Variants in DNAH9 observed in about 807,000 individuals in gnomAD.
DNAH9 encodes dynein axonemal heavy chain 9, also known as DNAH9 variant protein.
In DNAH9, 345 loss-of-function variants were observed where a neutral mutation model predicts 471.6. That is an observed-to-expected ratio of 0.73 (90% CI 0.67 to 0.80). DNAH9 has a LOEUF of 0.80. Among genes scored for constraint, DNAH9 ranks in the 30% least tolerant of loss-of-function variants. The pLI is 0.00. For missense variants in DNAH9, 5,407 were observed against 5,609.2 expected, an observed-to-expected ratio of 0.96 and a Z score of 1.15; for synonymous variants, 2,093 against 2,123.6, an observed-to-expected ratio of 0.99 and a Z score of 0.40.
intron 67 of DNAH9, among the ~76,000 whole-genome samples, chr17:11,960,735 G>A (rs1976068687): frequency 6.6e-6 from 1 of 151,952 alleles, no homozygotes; most frequent in South Asian, 2.1e-4. Context: ...CTCCCGCCTG[G>A]GTGACAGAGC....
chr17:11,756,592 A>C lies in DNAH9; in HGVS notation c.6763A>C (p.Arg2255=), dbSNP rs1967398262. The C allele has an allele frequency of 6.2e-7, 1 of 1,613,282 alleles. No individual in the cohort carries two copies. ...NKVLTLASNE[R]IPLNPTMKLL... is the part of the protein sequence containing the mutation. Reference sequence around the variant, plus strand: ...GGTGCTGACATTGGCCAGCAATGAGAGGATTCCTCTGAACCCCACCATGAA... The same window carrying C: ...GGTGCTGACATTGGCCAGCAATGAGCGGATTCCTCTGAACCCCACCATGAA... Residue 2255 remains arginine (R), a synonymous_variant, in exon 34 of 69, where the codon AGG becomes CGG. Transcript: ENST00000262442.
intron 43 of DNAH9, among the ~76,000 whole-genome samples, chr17:11,798,407 T>TG (rs1331174274): frequency 8.8e-6 from 1 of 113,384 alleles, no homozygotes; most frequent in Non-Finnish European, 1.6e-5. Context: ...CACTCCAGCC[T>TG]GGGCGACAGA....
Position 11,904,630 on chromosome 17 carries a change from CAAAAAAAAAAAA to C in DNAH9, c.11601-1015_11601-1004del, listed in dbSNP as rs202059757. ...TGGGCGACAGAGTGAGACTCCATCT[CAAAAAAAAAAAA>C]AAAAAAAAAAAAAAAGAATGGGGAA... is the stretch of plus-strand genomic sequence containing the variant. On this transcript the variant is annotated intron_variant, in intron 60 of 68. Coordinates refer to ENST00000262442, the MANE Select transcript of DNAH9 (RefSeq NM_001372.4). 1.1e-3 allele frequency among the ~76,000 whole-genome samples: 119 copies of C among 111,410 alleles called. 1 individual carries two copies. The highest frequency in any genetic ancestry group is 1.8e-3 in the Admixed American group (21 of 11,706). 73.1% of individuals were successfully genotyped at this position (111,410 alleles called of 152,430 possible).
chr17:11,613,425 T>A (rs2072677789), intron 4 of DNAH9, among the ~76,000 whole-genome samples: 1 of 152,130 alleles, frequency 6.6e-6, no homozygotes, highest in African/African-American at 2.4e-5. Flanking sequence ...ATTGAGACAA[T>A]CCTGGCTAAC....
intron 49 of DNAH9, among the ~76,000 whole-genome samples, chr17:11,836,881 A>G (rs1970865705): frequency 6.6e-6 from 1 of 152,226 alleles, no homozygotes; most frequent in South Asian, 2.1e-4. Context: ...TCCTAAGATG[A>G]CTATCGTTCA....
chr17:11,706,293 GT>G (rs5819333), intron 26 of DNAH9, among the ~76,000 whole-genome samples: 144,305 of 152,044 alleles, frequency 0.95, 68,690 homozygotes, highest in Non-Finnish European at 0.99. Context: ...GAGCTTGCAT[GT>G]TTTTTTTAGA....
chr17:11,886,353 A>G (rs1389834213), intron 56 of DNAH9, among the ~76,000 whole-genome samples: 1 of 152,134 alleles, frequency 6.6e-6, no homozygotes, highest in Non-Finnish European at 1.5e-5. Flanking sequence ...CAAACAAAAA[A>G]GAAATTTTCT....
chr17:11,882,460 G>A (rs139695970), intron 55 of DNAH9, among the ~76,000 whole-genome samples: 3,900 of 152,126 alleles, frequency 0.026, 75 homozygotes, highest in Non-Finnish European at 0.038. Flanking sequence ...TGGCGGGGTC[G>A]GTAGGTGGAA....
intron 65 of DNAH9, among the ~76,000 whole-genome samples, chr17:11,936,922 T>C (rs2151041264): frequency 6.6e-6 from 1 of 152,182 alleles, no homozygotes; most frequent in African/African-American, 2.4e-5. Context: ...TCATATCTGA[T>C]TTAGATGGAG....
chr17:11,709,747 C>T lies in DNAH9; in HGVS notation c.5552+4562C>T, dbSNP rs111606931. Among the ~76,000 whole-genome samples, 11 of 152,294 alleles carry T rather than the reference C, an allele frequency of 7.2e-5. 1 individual carries two copies. The highest frequency in any genetic ancestry group is 5.8e-4 in the East Asian group (3 of 5,178). The stretch of plus-strand genomic sequence containing the variant: ...AAAGCAATTCTCATAAGTCGTTTCT[C>T]GACCTTTGGATGATCTCCTCCTGCT... On this transcript the variant is annotated intron_variant, in intron 26 of 68. Transcript: ENST00000262442.
chr17:11,873,722 A>G (rs1338241452), intron 52 of DNAH9, among the ~76,000 whole-genome samples: 5 of 146,950 alleles, frequency 3.4e-5, no homozygotes, highest in African/African-American at 7.6e-5. Flanking sequence ...AAACATATTC[A>G]TAGTTTCCAC....
At chr17:11,930,247 C>T (rs1974464230) in intron 63 of DNAH9, among the ~76,000 whole-genome samples, 154 bp downstream of exon 63, 1 of 152,164 alleles carries the variant, frequency 6.6e-6, no homozygotes, top group South Asian at 2.1e-4. Flanking sequence ...ACCTGATGCC[C>T]ACTCAGGGCA....
Position 11,611,769 on chromosome 17 carries a change from ATGT to A in DNAH9, c.899_901del (p.Val300del), listed in dbSNP as rs1473979255. ...CCAGCTTTCAAAGCCATGTACAGAG[ATGT>A]TGTTGCAGGTGAGGACCAGCAAGTG... is the stretch of plus-strand genomic sequence containing the variant. On this transcript the variant is annotated inframe_deletion, in exon 4 of 69. Transcript: ENST00000262442. The A allele has an allele frequency of 6.2e-6, 10 of 1,614,046 alleles. No homozygotes were observed. The African/African-American group carries it at 6.7e-5, about 11-fold the overall frequency.
rs186558314 is a variant in DNAH9 at position 11,867,335 on chromosome 17, G to A, written c.9934-1799G>A. ...GTTGAACCTCCTAGATCAGTCCTCT[G>A]TTTTCTTCCATCTTTTTGTTACTGT... On this transcript the variant is annotated intron_variant, in intron 50 of 68. Transcript: ENST00000262442. Among the ~76,000 whole-genome samples the A allele has an allele frequency of 2.6e-4, 40 of 152,170 alleles. No individual in the cohort carries two copies. The South Asian group carries it at 3.1e-3, about 12-fold the overall frequency.
chr17:11,606,644 T>A (rs1329151818), intron 1 of DNAH9, among the ~76,000 whole-genome samples: 3 of 151,822 alleles, frequency 2.0e-5, no homozygotes, highest in Admixed American at 2.0e-4. Context: ...GAGACAGGGT[T>A]TCACCATGTT....
In DNAH9 at chr17:11,632,639, G is replaced by C. The variant is rs140374295; in HGVS notation, c.1571G>C (p.Arg524Pro). The C allele has an allele frequency of 2.5e-6, 4 of 1,611,618 alleles. No individual in the cohort carries two copies. The highest frequency in any genetic ancestry group is 2.2e-5 in the South Asian group (2 of 91,002). The change falls in exon 8 of 69, where the codon CGA (arginine) becomes CCA (proline). Residue 524 changes from arginine to proline, a missense_variant. Physicochemically the swap from Arg to Pro is moderately radical, Grantham distance 103. Around this residue, in one of 3 missense-constraint regions of DNAH9, gnomAD observed 767 missense variants for 692.5 expected, o/e 1.11. Transcript: ENST00000262442. ...EFNQKVEDLDRRLGTIFIQAF... is the reference protein window; with the variant it reads ...EFNQKVEDLDPRLGTIFIQAF... ...AACCAGAAAGTAGAAGATCTTGACC[G>C]AAGATTGGGGACTATCTTTATTCAA...
chr17:11,812,044 TATATATATATAC>T lies in DNAH9; in HGVS notation c.8707+1677_8707+1688del, dbSNP rs1399790510. ...AAAAAAAAATATATATATATATATA[TATATATATATAC>T]ACATACATACACACATACATCCAAG... On this transcript the variant is annotated intron_variant, in intron 45 of 68. Transcript: ENST00000262442. 7.2e-3 allele frequency among the ~76,000 whole-genome samples: 556 copies of T among 77,328 alleles called. 50 individuals carry two copies. Among genetic ancestry groups the T allele is most frequent in the African/African-American group, 0.018 (403 of 22,594 alleles). The allele number at this position is 77,328 out of a possible 152,430, so 50.7% of individuals were successfully genotyped here. A position where few individuals can be genotyped will look rare whatever the true frequency, so the allele number is the denominator to read the frequency against.
intron 49 of DNAH9, among the ~76,000 whole-genome samples, chr17:11,852,864 A>C: frequency 8.5e-6 from 1 of 117,852 alleles, no homozygotes; most frequent in Non-Finnish European, 1.8e-5. Context: ...ATATATATGA[A>C]AGTGTGTATA....
At chr17:11,896,752 A>T (rs930348599) in intron 59 of DNAH9, among the ~76,000 whole-genome samples, 1 of 152,246 alleles carries the variant, frequency 6.6e-6, no homozygotes, top group Admixed American at 6.5e-5. Context: ...AAACCACTTA[A>T]GTAATTTTAA....
Sources: gnomAD v4.1 joint callset for allele counts (sites outside exome capture counted in the v4.1 genomes callset) on GRCh38, gnomAD v4.1.1 for gene constraint, gnomAD v4.1.1 regional missense constraint, MANE v1.5 for transcripts, NCBI Gene and HGNC (gene_info 2026-07-23, HGNC 2026-07-21) for gene names.